Variants in COL13A1 observed in about 807,000 individuals in gnomAD.
COL13A1 encodes collagen alpha-1(XIII) chain.
COL13A1 carries 89 observed loss-of-function variants against 130.9 expected under a neutral mutation model. That is an observed-to-expected ratio of 0.68 (90% CI 0.57 to 0.81). COL13A1 has a LOEUF of 0.81. Ranked by LOEUF, COL13A1 falls within the 30% of genes least tolerant of loss-of-function variation. The probability of loss-of-function intolerance (pLI) is 0.00; values close to 1 mark genes in which losing one functional copy is unlikely to be tolerated. For synonymous variants in COL13A1, 402 were observed against 341.6 expected, an observed-to-expected ratio of 1.18 and a Z score of -1.95; for missense variants, 879 against 934.6, an observed-to-expected ratio of 0.94 and a Z score of 0.78.
At chr10:69,824,035 G>T (rs1397069277) in intron 2 of COL13A1, 1 of 467,174 alleles carries the variant, frequency 2.1e-6, no homozygotes, top group Admixed American at 2.4e-5. Flanking sequence ...GCTGGTCAAG[G>T]GCAGGATATT....
At chr10:69,834,919 C>G (rs1589329752) in intron 2 of COL13A1, among the ~76,000 whole-genome samples, 1 of 152,242 alleles carries the variant, frequency 6.6e-6, no homozygotes, top group East Asian at 1.9e-4. Context: ...TAGCCATCGT[C>G]TGGGGACAAT....
At chr10:69,945,357 T>C (rs2068338842) in intron 36 of COL13A1, among the ~76,000 whole-genome samples, 1 of 152,232 alleles carries the variant, frequency 6.6e-6, no homozygotes, top group Non-Finnish European at 1.5e-5. Flanking sequence ...TCCCTTTCTC[T>C]TTCCCTGCCT....
At chr10:69,804,341 T>C (rs1840871092) in intron 1 of COL13A1, among the ~76,000 whole-genome samples, 1 of 152,096 alleles carries the variant, frequency 6.6e-6, no homozygotes. Context: ...GACCATGCCC[T>C]GGCCTTTTCT....
At chr10:69,915,186 T>C (rs1248793238) in intron 17 of COL13A1, among the ~76,000 whole-genome samples, 1 of 152,208 alleles carries the variant, frequency 6.6e-6, no homozygotes, top group African/African-American at 2.4e-5. Context: ...ACTCCCACAT[T>C]GGAAGGGATT....
chr10:69,912,545 C>G (rs919716099), intron 17 of COL13A1, among the ~76,000 whole-genome samples: 1 of 150,788 alleles, frequency 6.6e-6, no homozygotes, highest in Non-Finnish European at 1.5e-5. Context: ...GTCCACCGAC[C>G]GCCCCCCACC....
chr10:69,830,485 C>T (rs963344771), intron 2 of COL13A1, among the ~76,000 whole-genome samples: 1 of 152,074 alleles, frequency 6.6e-6, no homozygotes, highest in African/African-American at 2.4e-5. Context: ...AAGCAAACGA[C>T]AAGAGAATAT....
chr10:69,844,369 G>A (rs1852436517), intron 2 of COL13A1, among the ~76,000 whole-genome samples: 1 of 152,190 alleles, frequency 6.6e-6, no homozygotes, highest in Non-Finnish European at 1.5e-5. Context: ...TATCTGACCT[G>A]CCTATGCCTC....
At chr10:69,821,866 G>C (rs1269629847) in intron 1 of COL13A1, among the ~76,000 whole-genome samples, 7 of 152,190 alleles carry the variant, frequency 4.6e-5, no homozygotes, top group African/African-American at 1.7e-4. Flanking sequence ...GATTTGAAGG[G>C]AAGTGAGGAA....
At chr10:69,870,735 G>T (rs964736114) in intron 3 of COL13A1, among the ~76,000 whole-genome samples, 1 of 152,056 alleles carries the variant, frequency 6.6e-6, no homozygotes, top group East Asian at 1.9e-4. Context: ...GAAGGTGAGG[G>T]GTGGAGAACA....
rs542324927 is a variant in COL13A1, at chr10:69,815,385, C to T, written c.295-6984C>T. ...ATACAGGCATTTTAATAGCTGCAAC[C>T]GATCAGGCGGGTGATGTTTCAGCTC... On this transcript the variant is annotated intron_variant, in intron 1 of 40. Coordinates refer to ENST00000645393, the MANE Select transcript of COL13A1 (RefSeq NM_001368882.1). 2.5e-3 allele frequency among the ~76,000 whole-genome samples: 384 copies of T among 152,272 alleles called. 2 individuals are homozygous for T. Among genetic ancestry groups the T allele is most frequent in the African/African-American group, 8.9e-3 (371 of 41,546 alleles).
rs34156339 is a variant in COL13A1, at chr10:69,958,909, A to AT, written c.*214dup. ...TTGTATAAGCCTATGTCTCTAATAC[A>AT]TTTTTTGTTTGGTCGTAATGTCTGC... On this transcript the variant is annotated 3_prime_UTR_variant, in exon 41 of 41. Transcript: ENST00000645393. 1.1e-5 allele frequency: 7 copies of AT among 625,264 alleles called. No homozygotes were observed. In the Admixed American group the frequency reaches 1.3e-4, roughly 12 times the overall value. 38.7% of individuals were successfully genotyped at this position (625,264 alleles called of 1,614,324 possible).
intron 9 of COL13A1, 129 bp downstream of exon 9, chr10:69,888,459 C>T: frequency 7.6e-7 from 1 of 1,319,296 alleles, no homozygotes; most frequent in Non-Finnish European, 1.1e-6. Flanking sequence ...AAGGTTGTCA[C>T]TAGTGGGAAG....
rs181164971 is a variant in COL13A1 at position 69,872,046 on chromosome 10, C to T, written c.373-138C>T. The T allele has an allele frequency of 2.8e-3, 2,693 of 947,462 alleles. 26 individuals carry two copies. Among genetic ancestry groups the T allele is most frequent in the Non-Finnish European group, 2.1e-3 (1,312 of 610,878 alleles). The allele number at this position is 947,462 out of a possible 1,614,324, so 58.7% of individuals were successfully genotyped here. ...TTTATAAGCCTTAGCGATCAAGGCTCCCCCTTCGTTTTGTTCATAAAATAA... is the reference window on the plus strand; with the variant it reads ...TTTATAAGCCTTAGCGATCAAGGCTTCCCCTTCGTTTTGTTCATAAAATAA... On this transcript the variant is annotated intron_variant, in intron 3 of 40. Transcript: ENST00000645393.
At chr10:69,939,284 G>A (rs896351005) in intron 34 of COL13A1, among the ~76,000 whole-genome samples, 2 of 152,196 alleles carry the variant, frequency 1.3e-5, no homozygotes, top group Non-Finnish European at 2.9e-5. Context: ...TTGGAGGAAG[G>A]CGGAGCTGGT....
intron 16 of COL13A1, 126 bp from the exon 17 acceptor site, chr10:69,905,661 G>T: frequency 1.0e-6 from 1 of 983,106 alleles, no homozygotes; most frequent in East Asian, 2.6e-5. Context: ...CTGGAGATGG[G>T]TGTTGAAGGG....
intron 38 of COL13A1, among the ~76,000 whole-genome samples, chr10:69,952,058 G>T (rs1201745728): frequency 6.6e-6 from 1 of 152,224 alleles, no homozygotes; most frequent in African/African-American, 2.4e-5. Flanking sequence ...TTAGAAAAAT[G>T]ATGTTTACTG....
At chr10:69,949,631 A>G (rs2069086311) in intron 38 of COL13A1, among the ~76,000 whole-genome samples, 1 of 152,212 alleles carries the variant, frequency 6.6e-6, no homozygotes, top group Admixed American at 6.5e-5. Context: ...GCCCCAGACC[A>G]GGAGCTTTCT....
At position 69,828,312 on chromosome 10, in the gene COL13A1, G is replaced by C. The variant is rs781051347; in HGVS notation, c.364+5874G>C. 3.3e-5 allele frequency among the ~76,000 whole-genome samples: 5 copies of C among 151,638 alleles called. No individual in the cohort carries two copies. In the South Asian group the frequency reaches 1.0e-3, roughly 32 times the overall value. ...TTCCTCCTGACTTTGCAGCCCCACC[G>C]CATGTCCCATCTGGCCTCCCAGACA... On this transcript the variant is annotated intron_variant, in intron 2 of 40. Coordinates refer to ENST00000645393, the MANE Select transcript of COL13A1 (RefSeq NM_001368882.1).
intron 2 of COL13A1, among the ~76,000 whole-genome samples, chr10:69,830,000 TGAG>T (rs1012858832): frequency 1.3e-5 from 2 of 152,118 alleles, no homozygotes; most frequent in Non-Finnish European, 2.9e-5. Flanking sequence ...GGTGGTCGGC[TGAG>T]ATTTGTAGGG....
Sources: gnomAD v4.1 joint callset for allele counts (sites outside exome capture counted in the v4.1 genomes callset) on GRCh38, gnomAD v4.1.1 for gene constraint, MANE v1.5 for transcripts, NCBI Gene and HGNC (gene_info 2026-07-23, HGNC 2026-07-21) for gene names.